The following CCDC7 variants were observed in gnomAD, a reference collection of about 807,000 sequenced individuals.
CCDC7 encodes coiled-coil domain containing 7.
A neutral mutation model predicts 196.9 loss-of-function variants in CCDC7; 183 were observed. The observed-to-expected ratio is 0.93, with a 90% CI of 0.82 to 1.05. The LOEUF is 1.05. CCDC7 is among the 50% of genes least tolerant of loss of function. CCDC7 has a pLI of 0.00. For missense variants in CCDC7, 1,540 were observed against 1,482.2 expected (o/e 1.04, Z -0.64); for synonymous variants, 525 against 484.6 (o/e 1.08, Z -1.10).
intron 33 of CCDC7, among the ~76,000 whole-genome samples, chr10:32,843,233 T>C (rs927059928): frequency 6.6e-6 from 1 of 150,406 alleles, no homozygotes; most frequent in Non-Finnish European, 1.5e-5. Context: ...TCTTCTTTCT[T>C]AGCTTAATTA....
At chr10:32,757,967 A>G (rs1029764069) in intron 28 of CCDC7, among the ~76,000 whole-genome samples, 2 of 152,328 alleles carry the variant, frequency 1.3e-5, no homozygotes, top group Admixed American at 6.5e-5. Context: ...GAATACTATA[A>G]ACATCTCTAC....
At chr10:32,594,899 C>A (rs953352202) in intron 18 of CCDC7, among the ~76,000 whole-genome samples, 1 of 152,184 alleles carries the variant, frequency 6.6e-6, no homozygotes, top group South Asian at 2.1e-4. Flanking sequence ...AGGGATGAAG[C>A]CAACTTGATC....
In CCDC7 at chr10:32,535,991, T is replaced by C. The variant is rs538145993; in HGVS notation, c.994-7309T>C. Among the ~76,000 whole-genome samples the C allele has an allele frequency of 3.9e-5, 6 of 152,298 alleles. No individual in the cohort carries two copies. In the South Asian group the frequency reaches 1.2e-3, roughly 32 times the overall value. ...ATAAAATGCATCTATTTAGATTTTA[T>C]GGTTTATAGGGCATGTCTTCCCAGA... is the stretch of plus-strand genomic sequence containing the variant. On this transcript the variant is annotated intron_variant, in intron 11 of 41. Coordinates refer to ENST00000639629, the Ensembl canonical transcript of CCDC7.
chr10:32,616,679 G>A (rs2062811206), intron 18 of CCDC7, among the ~76,000 whole-genome samples: 1 of 151,494 alleles, frequency 6.6e-6, no homozygotes, highest in Non-Finnish European at 1.5e-5. Context: ...GATTGCTTTG[G>A]TGAGGACTTC....
chr10:32,802,565 A>T (rs1409283978), intron 29 of CCDC7, among the ~76,000 whole-genome samples: 7 of 152,172 alleles, frequency 4.6e-5, no homozygotes, highest in African/African-American at 1.4e-4. Context: ...CTGGACTAAG[A>T]GGATAGATAT....
intron 9 of CCDC7, among the ~76,000 whole-genome samples, chr10:32,502,473 T>G (rs1207072415): frequency 1.3e-5 from 2 of 152,090 alleles, no homozygotes; most frequent in African/African-American, 2.4e-5. Context: ...TTGATCTCGC[T>G]GGGAGCTGCA....
intron 24 of CCDC7, among the ~76,000 whole-genome samples, chr10:32,699,693 C>G (rs1260027589): frequency 6.7e-6 from 1 of 149,446 alleles, no homozygotes; most frequent in Non-Finnish European, 1.5e-5. Flanking sequence ...TTTCCTATTT[C>G]TATACATCCT....
chr10:32,824,135 AT>A (rs2090737768), intron 31 of CCDC7, among the ~76,000 whole-genome samples: 1 of 152,106 alleles, frequency 6.6e-6, no homozygotes, highest in African/African-American at 2.4e-5. Flanking sequence ...CAACATATAT[AT>A]GTTCTTAATA....
At chr10:32,556,100 G>A (rs2054294663) in intron 13 of CCDC7, among the ~76,000 whole-genome samples, 1 of 152,180 alleles carries the variant, frequency 6.6e-6, no homozygotes, top group South Asian at 2.1e-4. Context: ...AAGAAGTGAG[G>A]AAATAGATTG....
intron 15 of CCDC7, among the ~76,000 whole-genome samples, chr10:32,571,005 C>CGT (rs1289083025): frequency 2.0e-5 from 1 of 51,256 alleles, no homozygotes; most frequent in Non-Finnish European, 3.9e-5. Flanking sequence ...AGGTCACTGG[C>CGT]CTTTTTTTTT....
At chr10:32,509,191 T>C (rs9663351) in intron 9 of CCDC7, among the ~76,000 whole-genome samples, 20,364 of 152,062 alleles carry the variant, frequency 0.13, 1,612 homozygotes, top group African/African-American at 0.22. Context: ...TACAGTATGG[T>C]ACTGGCATAA....
chr10:32,538,911 A>G (rs1177266527), intron 11 of CCDC7, among the ~76,000 whole-genome samples: 1 of 152,068 alleles, frequency 6.6e-6, no homozygotes, highest in Non-Finnish European at 1.5e-5. Flanking sequence ...AGATTTTTGC[A>G]TCTATGTTCA....
chr10:32,462,916 G>C, intron 4 of CCDC7, 101 bp from the exon 6 acceptor site: 1 of 1,530,704 alleles, frequency 6.5e-7, no homozygotes, highest in African/African-American at 1.4e-5. Flanking sequence ...GATGGATGAA[G>C]ATTCAGAGAC....
At chr10:32,822,342 A>T (rs1448275427) in intron 31 of CCDC7, among the ~76,000 whole-genome samples, 1 of 152,218 alleles carries the variant, frequency 6.6e-6, no homozygotes, top group African/African-American at 2.4e-5. Context: ...TAATATATTC[A>T]TGATAGCATC....
At chr10:32,860,061 T>G (rs1285427943) in intron 41 of CCDC7, among the ~76,000 whole-genome samples, 1 of 152,176 alleles carries the variant, frequency 6.6e-6, no homozygotes, top group East Asian at 1.9e-4. Context: ...TAACTTATTT[T>G]ATGAGGCCAG....
At chr10:32,604,197 C>T (rs1577373) in intron 18 of CCDC7, among the ~76,000 whole-genome samples, 52,363 of 152,004 alleles carry the variant, frequency 0.34, 11,450 homozygotes, top group Non-Finnish European at 0.5. Flanking sequence ...AGAGTCTCTC[C>T]TATCCCCAGT....
At chr10:32,746,590 C>T (rs1418454600) in intron 28 of CCDC7, among the ~76,000 whole-genome samples, 1 of 152,152 alleles carries the variant, frequency 6.6e-6, no homozygotes, top group African/African-American at 2.4e-5. Flanking sequence ...TATCTGCACA[C>T]CTCCCTGTCT....
intron 28 of CCDC7, among the ~76,000 whole-genome samples, chr10:32,737,133 T>C (rs1565341844): frequency 6.6e-6 from 1 of 152,182 alleles, no homozygotes; most frequent in Non-Finnish European, 1.5e-5. Flanking sequence ...ATTTTTTCTT[T>C]AGTCTGTTGA....
intron 41 of CCDC7, among the ~76,000 whole-genome samples, chr10:32,867,271 T>TCATCA (rs1201043257): frequency 5.3e-5 from 8 of 151,674 alleles, no homozygotes; most frequent in African/African-American, 1.9e-4. Context: ...TGATATATTA[T>TCATCA]CATTTCTTAA....
Sources: allele counts gnomAD v4.1 joint callset (sites outside exome capture counted in the v4.1 genomes callset), GRCh38; gene constraint gnomAD v4.1.1; transcripts MANE v1.5; gene names NCBI Gene and HGNC (gene_info 2026-07-23, HGNC 2026-07-21).